DSCAML1: variants seen among roughly 807,000 people sequenced by gnomAD.
DSCAML1 encodes cell adhesion molecule DSCAML1.
DSCAML1 carries 38 observed loss-of-function variants against 200.5 expected under a neutral mutation model. The observed-to-expected ratio is 0.19, with a 90% CI of 0.15 to 0.25. The LOEUF (loss-of-function observed/expected upper bound fraction) is 0.25. Ranked by LOEUF, DSCAML1 falls within the 10% of genes least tolerant of loss-of-function variation. The pLI, the probability that DSCAML1 is intolerant of heterozygous loss-of-function variation, is 1.00. For synonymous variants in DSCAML1, 1,215 were observed against 1,165.0 expected, an observed-to-expected ratio of 1.04 and a Z score of -0.87; for missense variants, 2,223 against 2,858.8, an observed-to-expected ratio of 0.78 and a Z score of 5.07.
At chr11:117,710,007 G>A (rs1005109207) in intron 3 of DSCAML1, among the ~76,000 whole-genome samples, 2 of 152,194 alleles carry the variant, frequency 1.3e-5, no homozygotes, top group African/African-American at 4.8e-5. Context: ...TGCTGTTGGG[G>A]CAAGGATGGC....
chr11:117,432,454 C>T lies in DSCAML1; in HGVS notation c.5077G>A (p.Val1693Ile). Reference protein sequence around the residue: ...PVTDAEFSQAVNPQSFCTGVS... With the variant: ...PVTDAEFSQAINPQSFCTGVS... Reference sequence around the variant, plus strand: ...CCAGTACAGAAGCTCTGTGGGTTGACAGCTTGGCTGAACTCAGCATCTGTC... The same window carrying T: ...CCAGTACAGAAGCTCTGTGGGTTGATAGCTTGGCTGAACTCAGCATCTGTC... Residue 1693 changes from valine to isoleucine, a missense_variant, in exon 30 of 33, where the codon GTC becomes ATC. Coordinates refer to ENST00000651296, the MANE Select transcript of DSCAML1 (RefSeq NM_020693.4). 1.2e-6 allele frequency: 2 copies of T among 1,614,202 alleles called. No homozygotes were observed. The highest frequency in any genetic ancestry group is 1.7e-6 in the Non-Finnish European group (2 of 1,180,042).
chr11:117,611,882 C>T (rs962083808), intron 3 of DSCAML1: 2 of 152,150 alleles, frequency 1.3e-5, no homozygotes, highest in Non-Finnish European at 2.9e-5. Context: ...CTCTCTAAGT[C>T]GAATTTAACC....
intron 3 of DSCAML1, among the ~76,000 whole-genome samples, chr11:117,575,032 G>T (rs1591282691): frequency 6.6e-6 from 1 of 152,002 alleles, no homozygotes; most frequent in Admixed American, 6.6e-5. Context: ...CTCTACTAAA[G>T]ATACAAAAAT....
chr11:117,488,066 C>T (rs2049112150), intron 11 of DSCAML1, among the ~76,000 whole-genome samples: 1 of 151,878 alleles, frequency 6.6e-6, no homozygotes, highest in Non-Finnish European at 1.5e-5. Flanking sequence ...CGTGTCCTTG[C>T]AGATGGGCGC....
At chr11:117,433,539 G>A (rs1360774240) in intron 27 of DSCAML1, 68 bp from the exon 28 acceptor site, 1 of 1,550,236 alleles carries the variant, frequency 6.5e-7, no homozygotes, top group Non-Finnish European at 8.8e-7. Context: ...CAATGGGAGA[G>A]GCATGGGAAA....
upstream of DSCAML1, among the ~76,000 whole-genome samples, chr11:117,798,228 A>T (rs1308680100): frequency 1.3e-5 from 2 of 152,234 alleles, no homozygotes; most frequent in Non-Finnish European, 2.9e-5. Context: ...GTATGCCCTG[A>T]CAATTGGGCT....
rs552458120 is a variant in DSCAML1 at position 117,713,260 on chromosome 11, C to T, written c.511+63531G>A. Among the ~76,000 whole-genome samples, 13 of 152,286 alleles carry T rather than the reference C, an allele frequency of 8.5e-5. No homozygotes were observed. The East Asian group carries it at 1.4e-3, about 16-fold the overall frequency. On this transcript the variant is annotated intron_variant, in intron 3 of 32. Transcript: ENST00000651296. ...CCTCCCAAGTAGCTGGAATTACAGGCGCACGCCACCACACCCAGCTAATTT... is the reference window on the plus strand; with the variant it reads ...CCTCCCAAGTAGCTGGAATTACAGGTGCACGCCACCACACCCAGCTAATTT...
At chr11:117,739,216 G>C (rs571662695) in intron 3 of DSCAML1, among the ~76,000 whole-genome samples, 3 of 152,290 alleles carry the variant, frequency 2.0e-5, no homozygotes, top group South Asian at 4.2e-4. Flanking sequence ...CTTGACTCCT[G>C]GTCTCCTGAC....
chr11:117,617,722 A>ACACT lies in DSCAML1; in HGVS notation c.512-85201_512-85200insAGTG, dbSNP rs1223275917. ...CACACACACACACACACACACACAC[A>ACACT]CTCTCACTGCAGAGCTCCCTGAAGC... On this transcript the variant is annotated intron_variant, in intron 3 of 32. Coordinates refer to ENST00000651296, the MANE Select transcript of DSCAML1 (RefSeq NM_020693.4). Among the ~76,000 whole-genome samples the ACACT allele has an allele frequency of 9.4e-4, 124 of 132,150 alleles. 1 individual carries two copies. Among genetic ancestry groups the ACACT allele is most frequent in the Non-Finnish European group, 1.7e-3 (102 of 59,926 alleles). 86.7% of individuals were successfully genotyped at this position (132,150 alleles called of 152,430 possible).
At chr11:117,685,528 A>G (rs1391335306) in intron 3 of DSCAML1, among the ~76,000 whole-genome samples, 3 of 152,094 alleles carry the variant, frequency 2.0e-5, no homozygotes, top group African/African-American at 4.8e-5. Context: ...GGGTCCCAGC[A>G]CCCCTAGGTA....
At chr11:117,583,611 T>A (rs2051084716) in intron 3 of DSCAML1, among the ~76,000 whole-genome samples, 1 of 152,170 alleles carries the variant, frequency 6.6e-6, no homozygotes. Context: ...CCCCTCTCCC[T>A]GTGCAGGTCT....
At chr11:117,462,679 A>G (rs1264804277) in intron 17 of DSCAML1, among the ~76,000 whole-genome samples, 1 of 152,240 alleles carries the variant, frequency 6.6e-6, no homozygotes, top group Non-Finnish European at 1.5e-5. Context: ...TTAGGGACCC[A>G]GTGTAATAAA....
intron 3 of DSCAML1, among the ~76,000 whole-genome samples, chr11:117,687,424 C>CTTTTTTTTTTTTTTTTTTTTT (rs1440234665): frequency 1.9e-5 from 1 of 51,816 alleles, no homozygotes; most frequent in South Asian, 6.6e-4. Context: ...CCATGCCTGG[C>CTTTTTTTTTTTTTTTTTTTTT]TATTTTTTTT....
intron 3 of DSCAML1, among the ~76,000 whole-genome samples, chr11:117,548,347 G>C (rs1264700840): frequency 6.6e-6 from 1 of 152,254 alleles, no homozygotes; most frequent in Non-Finnish European, 1.5e-5. Flanking sequence ...TCCAAATCCA[G>C]AGCCAGACTT....
rs2047934388 is a variant in DSCAML1, at chr11:117,437,122, T to C, written c.4720A>G (p.Ser1574Gly). The C allele has an allele frequency of 6.2e-7, 1 of 1,611,164 alleles. No homozygotes were observed. Among genetic ancestry groups the C allele is most frequent in the East Asian group, 2.2e-5 (1 of 44,814 alleles). ...CATCCCTTCCACCCTTGCGACTCAC[T>C]GCCATCGTAGTCCAGGGTGGCGAAC... Reference protein sequence around the residue: ...AQFATLDYDGSTIPPIKSAQG... With the variant: ...AQFATLDYDGGTIPPIKSAQG... The change falls in exon 26 of 33, where the codon AGC (serine) becomes GGC (glycine). Residue 1574 changes from serine to glycine, a missense_variant and splice_region_variant. Transcript: ENST00000651296. The surrounding 1 kb of genome is among the most constrained non-coding windows in gnomAD (Gnocchi z 5.3).
intron 3 of DSCAML1, among the ~76,000 whole-genome samples, chr11:117,659,886 AT>A (rs34873576): frequency 0.4 from 59,925 of 151,350 alleles, 12,507 homozygotes; most frequent in African/African-American, 0.52. Flanking sequence ...GCCTAGCTAA[AT>A]TTTTTTTTGT....
intron 3 of DSCAML1, among the ~76,000 whole-genome samples, chr11:117,556,871 ATCT>A (rs1378226476): frequency 6.6e-6 from 1 of 152,232 alleles, no homozygotes. Context: ...ACATGCCCAC[ATCT>A]TCTTAGCTGC....
At chr11:117,453,118 A>G (rs11216400) in intron 19 of DSCAML1, among the ~76,000 whole-genome samples, 53,619 of 151,884 alleles carry the variant, frequency 0.35, 11,260 homozygotes, top group Non-Finnish European at 0.48. Context: ...TATTTTTAGT[A>G]GAGACGGGGT....
intron 3 of DSCAML1, among the ~76,000 whole-genome samples, chr11:117,712,861 C>T (rs1427407875): frequency 2.0e-5 from 3 of 152,152 alleles, no homozygotes; most frequent in Non-Finnish European, 4.4e-5. Context: ...CGCCTCTCTC[C>T]CCACCCTGTG....
Sources: gnomAD v4.1 joint callset for allele counts (sites outside exome capture counted in the v4.1 genomes callset) on GRCh38, gnomAD v4.1.1 for gene constraint, Gnocchi (gnomAD v3.1) non-coding constraint, MANE v1.5 for transcripts, NCBI Gene and HGNC (gene_info 2026-07-23, HGNC 2026-07-21) for gene names.